The following PTPRG variants were observed in gnomAD, a reference collection of about 807,000 sequenced individuals.
PTPRG encodes the protein receptor-type tyrosine-protein phosphatase gamma.
PTPRG carries 102 observed loss-of-function variants against 165.3 expected under a neutral mutation model. The ratio of observed to expected loss-of-function variants is 0.62; its 90% CI spans 0.53 to 0.73. PTPRG has a LOEUF of 0.73. Ranked by LOEUF, PTPRG falls within the 30% of genes least tolerant of loss-of-function variation. The pLI is 0.00. For synonymous variants in PTPRG, 675 were observed against 669.5 expected (o/e 1.01, Z -0.13); for missense variants, 1,866 against 1,861.4 (o/e 1.00, Z -0.05).
rs978158964 is a variant in PTPRG at position 61,742,289 on chromosome 3, C to T, written c.86-6589C>T. 4.6e-5 allele frequency among the ~76,000 whole-genome samples: 7 copies of T among 151,928 alleles called. No individual in the cohort carries two copies. In the East Asian group the frequency reaches 5.8e-4, roughly 13 times the overall value. On this transcript the variant is annotated intron_variant, in intron 1 of 29. Coordinates refer to ENST00000474889, the MANE Select transcript of PTPRG (RefSeq NM_002841.4). ...AACATTTATTCTTATAAACTATGTCCGGTGGCTCTGGGAAATTAAATGAGG... is the reference window on the plus strand; with the variant it reads ...AACATTTATTCTTATAAACTATGTCTGGTGGCTCTGGGAAATTAAATGAGG...
intron 2 of PTPRG, among the ~76,000 whole-genome samples, chr3:61,947,064 C>T (rs533487240): frequency 3.3e-5 from 5 of 152,254 alleles, no homozygotes; most frequent in African/African-American, 7.2e-5. Flanking sequence ...AAAGGCCCAT[C>T]GTTCTTTTAA....
At chr3:62,066,365 G>C (rs1010301873) in intron 4 of PTPRG, among the ~76,000 whole-genome samples, 3 of 152,212 alleles carry the variant, frequency 2.0e-5, no homozygotes, top group African/African-American at 7.2e-5. Context: ...TTGTGGCTGA[G>C]TGTTGCAGTC....
At chr3:62,026,729 A>G (rs558459388) in intron 4 of PTPRG, among the ~76,000 whole-genome samples, 120 of 152,188 alleles carry the variant, frequency 7.9e-4, no homozygotes, top group African/African-American at 2.7e-3. Flanking sequence ...TACTAAAAAT[A>G]CAGAAAATTA....
At chr3:61,670,655 A>G (rs201283034) in intron 1 of PTPRG, among the ~76,000 whole-genome samples, 2 of 152,130 alleles carry the variant, frequency 1.3e-5, no homozygotes, top group African/African-American at 4.8e-5. Flanking sequence ...GGGACCAGCT[A>G]TGGGAGGCAG....
chr3:62,118,291 G>A (rs1702936957), intron 5 of PTPRG: 2 of 152,338 alleles, frequency 1.3e-5, no homozygotes, highest in Non-Finnish European at 2.9e-5. Flanking sequence ...CCAACGATAT[G>A]TAAATGAGTG....
chr3:61,573,556 G>A (rs1461555097), intron 1 of PTPRG, among the ~76,000 whole-genome samples: 1 of 152,188 alleles, frequency 6.6e-6, no homozygotes, highest in Admixed American at 6.5e-5. Context: ...TGTTCATTAA[G>A]TGGTCACCGT....
intron 5 of PTPRG, among the ~76,000 whole-genome samples, chr3:62,100,467 A>G (rs543440242): frequency 6.6e-6 from 1 of 152,188 alleles, no homozygotes; most frequent in African/African-American, 2.4e-5. Context: ...TATGTCTTTC[A>G]GTTTCTGTGC....
intron 1 of PTPRG, among the ~76,000 whole-genome samples, chr3:61,645,629 C>T (rs1702179433): frequency 6.6e-6 from 1 of 152,148 alleles, no homozygotes. Context: ...TTATCTAGCC[C>T]ACGGGTTGGC....
At chr3:62,112,854 C>T (rs897344377) in intron 5 of PTPRG, among the ~76,000 whole-genome samples, 1 of 152,200 alleles carries the variant, frequency 6.6e-6, no homozygotes, top group Non-Finnish European at 1.5e-5. Context: ...CCTGAGGTGA[C>T]TTCTCCAGTT....
chr3:61,690,300 G>A (rs76638740), intron 1 of PTPRG, among the ~76,000 whole-genome samples: 2,698 of 152,270 alleles, frequency 0.018, 36 homozygotes, highest in South Asian at 0.05. Context: ...AGTGTGAGAT[G>A]GCAAAGACCC....
intron 1 of PTPRG, among the ~76,000 whole-genome samples, chr3:61,571,757 A>G (rs2106774504): frequency 6.6e-6 from 1 of 152,264 alleles, no homozygotes; most frequent in East Asian, 1.9e-4. Context: ...TTACTGTCCC[A>G]TGTATATCAT....
chr3:61,768,285 C>G (rs897875849), intron 2 of PTPRG, among the ~76,000 whole-genome samples: 2 of 152,160 alleles, frequency 1.3e-5, no homozygotes, highest in African/African-American at 2.4e-5. Flanking sequence ...GGGATATTTA[C>G]TACAGGAATT....
intron 4 of PTPRG, among the ~76,000 whole-genome samples, chr3:62,060,993 C>T (rs976412520): frequency 1.3e-4 from 20 of 152,146 alleles, no homozygotes; most frequent in African/African-American, 4.8e-4. Context: ...TCTTGTTATT[C>T]TCCTAAATTG....
At chr3:62,102,187 T>C (rs1702311217) in intron 5 of PTPRG, among the ~76,000 whole-genome samples, 2 of 152,204 alleles carry the variant, frequency 1.3e-5, no homozygotes, top group African/African-American at 2.4e-5. Flanking sequence ...GTGCCTGGTC[T>C]AGAGCTTAGC....
At chr3:61,644,608 A>C (rs1702152911) in intron 1 of PTPRG, among the ~76,000 whole-genome samples, 1 of 152,134 alleles carries the variant, frequency 6.6e-6, no homozygotes, top group African/African-American at 2.4e-5. Context: ...TTTTTGTTCC[A>C]TCTCTATCCG....
At chr3:61,790,200 A>G (rs961557736) in intron 2 of PTPRG, among the ~76,000 whole-genome samples, 9 of 152,272 alleles carry the variant, frequency 5.9e-5, no homozygotes, top group Admixed American at 5.2e-4. Flanking sequence ...AGGAACCCTG[A>G]GGCTAGATGG....
intron 2 of PTPRG, among the ~76,000 whole-genome samples, chr3:61,822,194 T>G (rs986876480): frequency 6.6e-6 from 1 of 152,230 alleles, no homozygotes; most frequent in Non-Finnish European, 1.5e-5. Flanking sequence ...TCAATACTGT[T>G]TCTTTGACTT....
At chr3:61,856,189 C>T (rs942652636) in intron 2 of PTPRG, among the ~76,000 whole-genome samples, 2 of 151,714 alleles carry the variant, frequency 1.3e-5, no homozygotes, top group African/African-American at 4.8e-5. Context: ...CCACAGTGTA[C>T]CTCTCAGTGG....
intron 5 of PTPRG, among the ~76,000 whole-genome samples, chr3:62,082,225 A>G (rs1017769703): frequency 2.9e-4 from 44 of 152,060 alleles, no homozygotes; most frequent in Non-Finnish European, 4.3e-4. Context: ...TTCACTATCC[A>G]TGCTTCTTTT....
Sources: gnomAD v4.1 joint callset for allele counts (sites outside exome capture counted in the v4.1 genomes callset) on GRCh38, gnomAD v4.1.1 for gene constraint, MANE v1.5 for transcripts, NCBI Gene and HGNC (gene_info 2026-07-23, HGNC 2026-07-21) for gene names.